Variants in LARP1 observed in about 807,000 individuals in gnomAD.
LARP1 encodes the protein la-related protein 1.
Under a neutral mutation model 122.7 loss-of-function variants are expected in LARP1, and 36 were observed. That is an observed-to-expected ratio of 0.29 (90% CI 0.22 to 0.39). The LOEUF (loss-of-function observed/expected upper bound fraction) is 0.39. Among genes scored for constraint, LARP1 ranks in the 10% least tolerant of loss-of-function variants. The pLI, the probability that LARP1 is intolerant of heterozygous loss-of-function variation, is 1.00. For synonymous variants in LARP1, 539 were observed against 528.7 expected, an observed-to-expected ratio of 1.02 and a Z score of -0.27; for missense variants, 1,040 against 1,403.6, an observed-to-expected ratio of 0.74 and a Z score of 4.14.
intron 1 of LARP1, among the ~76,000 whole-genome samples, chr5:154,715,041 G>A (rs1334675201): frequency 2.0e-5 from 3 of 151,634 alleles, no homozygotes; most frequent in Non-Finnish European, 4.4e-5. Context: ...TTAGCTGGGC[G>A]GAGTGGTGGG....
intron 1 of LARP1, among the ~76,000 whole-genome samples, chr5:154,790,063 G>T (rs1007191908): frequency 6.6e-6 from 1 of 152,222 alleles, no homozygotes; most frequent in Non-Finnish European, 1.5e-5. Context: ...TCCCACCTGA[G>T]TCTGGACTTC....
At chr5:154,700,930 C>A (rs1420285598) in intron 1 of LARP1, among the ~76,000 whole-genome samples, 4 of 151,990 alleles carry the variant, frequency 2.6e-5, no homozygotes, top group African/African-American at 9.7e-5. Context: ...CTGCACTCCA[C>A]ACTCCAGCCT....
At chr5:154,763,843 CAAAA>C (rs57607523) in intron 1 of LARP1, among the ~76,000 whole-genome samples, 3 of 140,790 alleles carry the variant, frequency 2.1e-5, no homozygotes, top group Admixed American at 2.1e-4. Flanking sequence ...CCATCTCTTA[CAAAA>C]AAAAAAAAGT....
At chr5:154,684,274 A>G (rs1862131) in intron 1 of LARP1, among the ~76,000 whole-genome samples, 100,760 of 151,920 alleles carry the variant, frequency 0.66, 33,589 homozygotes, top group Non-Finnish European at 0.69. Flanking sequence ...TGAGATCCCT[A>G]TCTCTACAAA....
chr5:154,708,920 GT>G (rs559012478), upstream of LARP1, among the ~76,000 whole-genome samples: 27 of 152,288 alleles, frequency 1.8e-4, no homozygotes, highest in African/African-American at 6.3e-4. Context: ...CTACAATGTT[GT>G]TAAGTTCAGG....
intron 1 of LARP1, among the ~76,000 whole-genome samples, chr5:154,719,557 C>A (rs1755726026): frequency 6.6e-6 from 1 of 152,120 alleles, no homozygotes; most frequent in Non-Finnish European, 1.5e-5. Context: ...AAAATGAAGT[C>A]TAGTGGCAGA....
chr5:154,726,934 AC>A (rs1440673836), intron 1 of LARP1, among the ~76,000 whole-genome samples: 1 of 152,210 alleles, frequency 6.6e-6, no homozygotes. Flanking sequence ...ACTCGTTATC[AC>A]GAGAACAGCA....
Position 154,806,000 on chromosome 5 carries a change from T to G in LARP1, c.2666T>G (p.Val889Gly). 2 of 1,614,090 alleles carry G rather than the reference T, an allele frequency of 1.2e-6. No individual in the cohort carries two copies. ...LLKENGFTQH[V>G]YHKYRRRCLN... ...AAGGAAAATGGCTTCACACAACACG[T>G]CTACCATAAGTATCGTAGGCGCTGC... Residue 889 changes from valine to glycine, a missense_variant, in exon 15 of 19, where the codon GTC (valine) becomes GGC (glycine). By Grantham distance (109) the Val-to-Gly change is moderately radical. Transcript: ENST00000518297.
intron 1 of LARP1, among the ~76,000 whole-genome samples, chr5:154,702,895 G>A (rs570015398): frequency 4.6e-5 from 7 of 151,678 alleles, no homozygotes; most frequent in Non-Finnish European, 7.4e-5. Flanking sequence ...CGAGGTGGGC[G>A]GATCACGAGG....
intron 1 of LARP1, among the ~76,000 whole-genome samples, chr5:154,734,041 C>A (rs1756741225): frequency 6.6e-6 from 1 of 151,820 alleles, no homozygotes; most frequent in African/African-American, 2.4e-5. Flanking sequence ...GTGGCACATG[C>A]CTGTAATCCC....
chr5:154,783,266 GTC>G (rs963089647), intron 1 of LARP1, among the ~76,000 whole-genome samples: 11 of 152,214 alleles, frequency 7.2e-5, no homozygotes, highest in African/African-American at 2.7e-4. Flanking sequence ...TGGAAGGAAT[GTC>G]TCTTTCTTCA....
At chr5:154,755,237 C>A (rs1273343846), upstream of LARP1, among the ~76,000 whole-genome samples, 1 of 85,958 alleles carries the variant, frequency 1.2e-5, no homozygotes, top group Admixed American at 1.2e-4. Flanking sequence ...CCTGCCCGCC[C>A]GTCGCCCAGG....
intron 1 of LARP1, chr5:154,729,542 G>A: frequency 2.3e-6 from 1 of 438,408 alleles, no homozygotes. Flanking sequence ...CCTGAAAAGT[G>A]TGAAGGAAAA....
intron 1 of LARP1, among the ~76,000 whole-genome samples, chr5:154,701,607 G>A (rs1433083598): frequency 6.6e-6 from 1 of 151,556 alleles, no homozygotes; most frequent in African/African-American, 2.4e-5. Flanking sequence ...TCCGAACTTT[G>A]GGGAGGGAAA....
intron 1 of LARP1, among the ~76,000 whole-genome samples, chr5:154,764,019 A>G (rs1222870682): frequency 1.3e-5 from 2 of 150,986 alleles, no homozygotes; most frequent in Admixed American, 6.6e-5. Context: ...TCTCAAAAAG[A>G]AAAAGCTGCC....
intron 1 of LARP1, among the ~76,000 whole-genome samples, chr5:154,737,860 GCT>G: frequency 6.6e-6 from 1 of 151,990 alleles, no homozygotes; most frequent in South Asian, 2.1e-4. Flanking sequence ...CAGCTTTCCA[GCT>G]CTGCTCTAAC....
intron 4 of LARP1, 84 bp downstream of exon 4, chr5:154,792,880 C>G (rs570772317): frequency 7.5e-7 from 1 of 1,340,768 alleles, no homozygotes; most frequent in African/African-American, 1.5e-5. Context: ...GCTGGAGGAG[C>G]TTTAGGTGCC....
intron 8 of LARP1, 59 bp from the exon 9 acceptor site, chr5:154,799,532 C>T (rs1758173655): frequency 6.3e-7 from 1 of 1,582,140 alleles, no homozygotes; most frequent in South Asian, 1.1e-5. Flanking sequence ...CTACCATTTC[C>T]AAGATCTTTC....
At chr5:154,808,407 G>A in intron 15 of LARP1, 52 bp from the exon 16 acceptor site, 1 of 1,583,242 alleles carries the variant, frequency 6.3e-7, no homozygotes, top group South Asian at 1.2e-5. Context: ...TCTCCCTGAA[G>A]CAAGGGCAGC....
Sources: allele counts gnomAD v4.1 joint callset (sites outside exome capture counted in the v4.1 genomes callset), GRCh38; gene constraint gnomAD v4.1.1; transcripts MANE v1.5; gene names NCBI Gene and HGNC (gene_info 2026-07-23, HGNC 2026-07-21).